VPS33A: variants seen among roughly 807,000 people sequenced by gnomAD.
VPS33A encodes VPS33A core subunit of CORVET and HOPS complexes.
Under a neutral mutation model 71.8 loss-of-function variants are expected in VPS33A, and 32 were observed. The ratio of observed to expected loss-of-function variants is 0.45; its 90% CI spans 0.34 to 0.60. VPS33A has a LOEUF of 0.60. Among genes scored for constraint, VPS33A ranks in the 20% least tolerant of loss-of-function variants. The pLI is 0.02. For missense variants in VPS33A, 625 were observed against 748.5 expected (o/e 0.84, Z 1.92); for synonymous variants, 311 against 292.7 (o/e 1.06, Z -0.64).
intron 4 of VPS33A, among the ~76,000 whole-genome samples, chr12:122,256,982 A>G (rs1229343471): frequency 1.3e-5 from 2 of 152,170 alleles, no homozygotes; most frequent in Admixed American, 6.5e-5. Flanking sequence ...GCAACATACC[A>G]AAGTATATAT....
At chr12:122,239,060 C>T (rs1405610968) in intron 9 of VPS33A, among the ~76,000 whole-genome samples, 6 of 151,962 alleles carry the variant, frequency 3.9e-5, no homozygotes, top group East Asian at 1.9e-4. Flanking sequence ...AGCCCAAGGC[C>T]GCTGAGAATA....
At chr12:122,244,227 T>C (rs529375299) in intron 7 of VPS33A, among the ~76,000 whole-genome samples, 165 of 152,304 alleles carry the variant, frequency 1.1e-3, no homozygotes, top group African/African-American at 3.7e-3. Context: ...AGTTCTATTA[T>C]AGAGGATTCT....
chr12:122,251,420 T>TA (rs758361140), intron 4 of VPS33A, among the ~76,000 whole-genome samples: 11 of 152,188 alleles, frequency 7.2e-5, no homozygotes, highest in Non-Finnish European at 1.6e-4. Context: ...AATACAGACT[T>TA]ACACTGAACG....
At chr12:122,263,536 C>G (rs773265149) in intron 3 of VPS33A, 36 bp downstream of exon 3, 10 of 1,557,416 alleles carry the variant, frequency 6.4e-6, no homozygotes, top group Non-Finnish European at 8.7e-6. Flanking sequence ...TTATAAGAAC[C>G]AAACTCTTTT....
At chr12:122,256,066 G>A (rs1487466435) in intron 4 of VPS33A, among the ~76,000 whole-genome samples, 2 of 152,084 alleles carry the variant, frequency 1.3e-5, no homozygotes, top group Admixed American at 6.6e-5. Context: ...AAAGTGCTGG[G>A]ATTACGGGCA....
chr12:122,247,320 G>A lies in VPS33A; in HGVS notation c.775+2551C>T, dbSNP rs185698050. Among the ~76,000 whole-genome samples, 75 of 148,532 alleles carry A rather than the reference G, an allele frequency of 5.0e-4. No individual in the cohort carries two copies. In the East Asian group the frequency reaches 0.013, roughly 25 times the overall value. ...CTGTCCCTGGGCCAACTCCCAGGCCGCCTCTCCCCCCACCATTCCCCATCC... is the reference window on the plus strand; with the variant it reads ...CTGTCCCTGGGCCAACTCCCAGGCCACCTCTCCCCCCACCATTCCCCATCC... On this transcript the variant is annotated intron_variant, in intron 6 of 12. Transcript: ENST00000267199.
rs34574719 is a variant in VPS33A, at chr12:122,248,060, C to CTGTGTGTGTGTGTGTGTG, written c.775+1793_775+1810dup. On this transcript the variant is annotated intron_variant, in intron 6 of 12. Coordinates refer to ENST00000267199, the MANE Select transcript of VPS33A (RefSeq NM_022916.6). ...TACAGGCATGCGCCACCAAATCCAGCTGTGTGTGTGTGTGTGTGTGTGTGT... is the reference window on the plus strand; with the variant it reads ...TACAGGCATGCGCCACCAAATCCAGCTGTGTGTGTGTGTGTGTGTGTGTGTGTGTGTGTGTGTGTGTGT... The CTGTGTGTGTGTGTGTGTG allele has an allele frequency of 3.5e-4, 52 of 148,426 alleles. 1 individual carries two copies. The highest frequency in any genetic ancestry group is 1.3e-3 in the African/African-American group (51 of 39,984). 9.2% of individuals were successfully genotyped at this position (148,426 alleles called of 1,614,324 possible).
intron 11 of VPS33A, 134 bp from the exon 12 acceptor site, chr12:122,233,102 T>C (rs1954586276): frequency 3.9e-6 from 4 of 1,023,302 alleles, no homozygotes; most frequent in Non-Finnish European, 5.4e-6. Flanking sequence ...CCATGCCTTG[T>C]TCTAATCCAC....
At chr12:122,239,791 G>T in intron 9 of VPS33A, 87 bp downstream of exon 9, 1 of 663,076 alleles carries the variant, frequency 1.5e-6, no homozygotes, top group Non-Finnish European at 2.4e-6. Context: ...GCAAGGCATG[G>T]GAATCAAAGC....
At chr12:122,254,956 C>CTGATTCA (rs1954896595) in intron 4 of VPS33A, among the ~76,000 whole-genome samples, 1 of 150,906 alleles carries the variant, frequency 6.6e-6, no homozygotes, top group Non-Finnish European at 1.5e-5. Flanking sequence ...GAGGCTGAGG[C>CTGATTCA]AGGAGAATCA....
intron 10 of VPS33A, 48 bp from the exon 11 acceptor site, chr12:122,235,971 T>G: frequency 6.4e-7 from 1 of 1,557,064 alleles, no homozygotes; most frequent in Non-Finnish European, 8.7e-7. Flanking sequence ...GAAAAGGATT[T>G]CTGCAATTTT....
chr12:122,239,860 G>GT lies in VPS33A; in HGVS notation c.1164+17dup, dbSNP rs769522475. The GT allele has an allele frequency of 1.1e-5, 18 of 1,587,484 alleles. No individual in the cohort carries two copies. In the African/African-American group the frequency reaches 1.2e-4, roughly 11 times the overall value. ...AAGCTTTCAATTACTTGTTAAAGAG[G>GT]TTTTTTTGTCCACATACCTTATCAG... is the stretch of plus-strand genomic sequence containing the variant. On this transcript the variant is annotated intron_variant, in intron 9 of 12. Transcript: ENST00000267199.
rs543720354 is a variant in VPS33A, at chr12:122,239,074, T to C, written c.1165-350A>G. 3.3e-5 allele frequency among the ~76,000 whole-genome samples: 5 copies of C among 152,028 alleles called. No homozygotes were observed. The South Asian group carries it at 6.2e-4, about 19-fold the overall frequency. ...GAGCCCAAGGCCGCTGAGAATACAA[T>C]TGGTCACTCCATATGCCTGTCTGGA... On this transcript the variant is annotated intron_variant, in intron 9 of 12. Transcript: ENST00000267199.
In VPS33A at chr12:122,251,159, G is replaced by A. The variant is rs1954839184; in HGVS notation, c.484-60C>T. 9 of 1,166,996 alleles carry A rather than the reference G, an allele frequency of 7.7e-6. 2 individuals carry two copies. The Admixed American group carries it at 1.7e-4, about 22-fold the overall frequency. The allele number at this position is 1,166,996 out of a possible 1,614,324, so 72.3% of individuals were successfully genotyped here. A position where few individuals can be genotyped will look rare whatever the true frequency, so the allele number is the denominator to read the frequency against. ...GGGGGCCTCCCAGGGGCCCATCTCTGTTCCTGGGGCTGGGGTGCAGCGACA... is the reference window on the plus strand; with the variant it reads ...GGGGGCCTCCCAGGGGCCCATCTCTATTCCTGGGGCTGGGGTGCAGCGACA... On this transcript the variant is annotated intron_variant, in intron 4 of 12. Coordinates refer to ENST00000267199, the MANE Select transcript of VPS33A (RefSeq NM_022916.6).
chr12:122,259,195 A>ATGTG (rs1382920411), intron 4 of VPS33A, among the ~76,000 whole-genome samples: 5 of 116,868 alleles, frequency 4.3e-5, no homozygotes, highest in African/African-American at 6.6e-5. Context: ...GTGTGTATGT[A>ATGTG]TGTATGTATG....
intron 4 of VPS33A, among the ~76,000 whole-genome samples, chr12:122,257,696 T>C (rs1184343985): frequency 1.3e-5 from 2 of 152,028 alleles, no homozygotes; most frequent in Non-Finnish European, 2.9e-5. Flanking sequence ...TTTTCTTCTT[T>C]GTCTGCAGAG....
Position 122,230,846 on chromosome 12 carries a change from C to T in VPS33A, c.*1400G>A, listed in dbSNP as rs1021056990. 1 of 152,234 alleles carries T rather than the reference C, an allele frequency of 6.6e-6. No individual in the cohort carries two copies. Among genetic ancestry groups the T allele is most frequent in the Non-Finnish European group, 1.5e-5 (1 of 68,106 alleles). 9.4% of individuals were successfully genotyped at this position (152,234 alleles called of 1,614,324 possible). A position where few individuals can be genotyped will look rare whatever the true frequency, so the allele number is the denominator to read the frequency against. Reference sequence around the variant, plus strand: ...GGATTTTCAACTTCTCCTCCAACACCCCTGCCCCCCACCACAGCCTGACAG... The same window carrying T: ...GGATTTTCAACTTCTCCTCCAACACTCCTGCCCCCCACCACAGCCTGACAG... On this transcript the variant is annotated 3_prime_UTR_variant, in exon 13 of 13. Transcript: ENST00000267199.
At chr12:122,237,864 G>T (rs1459945082) in intron 10 of VPS33A, among the ~76,000 whole-genome samples, 1 of 151,788 alleles carries the variant, frequency 6.6e-6, no homozygotes, top group Non-Finnish European at 1.5e-5. Flanking sequence ...TGCCTAGGCT[G>T]GTTTTGGACT....
intron 8 of VPS33A, 130 bp from the exon 9 acceptor site, chr12:122,240,075 C>G (rs1954692712): frequency 2.9e-6 from 2 of 691,036 alleles, no homozygotes; most frequent in Admixed American, 2.4e-5. Flanking sequence ...CACCTGTAAT[C>G]TCAGCACTGT....
Sources: allele counts gnomAD v4.1 joint callset (sites outside exome capture counted in the v4.1 genomes callset), GRCh38; gene constraint gnomAD v4.1.1; transcripts MANE v1.5; gene names NCBI Gene and HGNC (gene_info 2026-07-23, HGNC 2026-07-21).